Variants in CMTM4 observed in about 807,000 individuals in gnomAD.
The protein encoded by CMTM4 is CKLF-like MARVEL transmembrane domain-containing protein 4.
A neutral mutation model predicts 19.0 loss-of-function variants in CMTM4; 8 were observed. The observed-to-expected ratio is 0.42, with a 90% CI of 0.25 to 0.76. CMTM4 has a LOEUF of 0.76. CMTM4 is among the 30% of genes least tolerant of loss of function. The pLI, the probability that CMTM4 is intolerant of heterozygous loss-of-function variation, is 0.27. For missense variants in CMTM4, 228 were observed against 290.2 expected (o/e 0.79, Z 1.56); for synonymous variants, 106 against 121.1 (o/e 0.88, Z 0.82).
chr16:66,666,248 C>T (rs1289343775), intron 1 of CMTM4, among the ~76,000 whole-genome samples: 2 of 151,994 alleles, frequency 1.3e-5, no homozygotes, highest in East Asian at 1.9e-4. Flanking sequence ...GTCAGGAGAT[C>T]GAGACCATCC....
chr16:66,605,213 T>G, the CMTM4 span: 1 of 352,072 alleles, frequency 2.8e-6, no homozygotes, highest in Non-Finnish European at 5.1e-6. This position sits in a 1 kb window ranked among gnomAD's most constrained non-coding sequence, Gnocchi z 4.6. Flanking sequence ...GGGAAGTGGG[T>G]GGGGCCCGGG....
the CMTM4 span, among the ~76,000 whole-genome samples, chr16:66,602,524 GCTT>G: frequency 6.0e-5 from 9 of 151,198 alleles, no homozygotes; most frequent in East Asian, 5.9e-4. Flanking sequence ...GAGCCAATTT[GCTT>G]CTTCTTCTTC....
chr16:66,696,541 G>C lies in CMTM4; in HGVS notation c.-16C>G. 1.1e-5 allele frequency: 13 copies of C among 1,178,554 alleles called. No homozygotes were observed. The highest frequency in any genetic ancestry group is 1.4e-5 in the Non-Finnish European group (13 of 954,164). The allele number at this position is 1,178,554 out of a possible 1,614,324, so 73.0% of individuals were successfully genotyped here. On this transcript the variant is annotated 5_prime_UTR_variant, in exon 1 of 4. Transcript: ENST00000394106. The surrounding 1 kb of genome is among the most constrained non-coding windows in gnomAD (Gnocchi z 4.3). ...CGCTCCGCATGCTGCCGCCCGGCCC[G>C]GGCCGCCTCGCGCGGCTGGCTCCCG...
rs534268840 is a variant in CMTM4 at position 66,696,603 on chromosome 16, T to TCGC, written c.-81_-79dup. ...GGGCGGACTCAGCGGGGCCGCCGCA[T>TCGC]CGCCGCCGCCGCCGCCGCCGCCGCC... is the stretch of plus-strand genomic sequence containing the variant. On this transcript the variant is annotated 5_prime_UTR_variant, in exon 1 of 4. Transcript: ENST00000394106. This position sits in a 1 kb window ranked among gnomAD's most constrained non-coding sequence, Gnocchi z 4.3. The TCGC allele has an allele frequency of 0.012, 9,945 of 814,798 alleles. 114 individuals are homozygous for TCGC. Among genetic ancestry groups the TCGC allele is most frequent in the Admixed American group, 0.019 (306 of 15,982 alleles). The allele number at this position is 814,798 out of a possible 1,614,324, so 50.5% of individuals were successfully genotyped here. A position where few individuals can be genotyped will look rare whatever the true frequency, so the allele number is the denominator to read the frequency against.
intron 2 of CMTM4, among the ~76,000 whole-genome samples, chr16:66,630,875 A>C (rs2015845479): frequency 8.9e-6 from 1 of 112,920 alleles, no homozygotes; most frequent in African/African-American, 3.5e-5. Flanking sequence ...CCGGCCGCCC[A>C]TCGTCTGAGA....
At chr16:66,600,721 T>C in the CMTM4 span, among the ~76,000 whole-genome samples, 2 of 152,142 alleles carry the variant, frequency 1.3e-5, no homozygotes, top group Non-Finnish European at 2.9e-5. Flanking sequence ...TATTCAGGAT[T>C]CTCTGGATAT....
At chr16:66,683,146 T>TATAC in intron 1 of CMTM4, among the ~76,000 whole-genome samples, 1 of 123,736 alleles carries the variant, frequency 8.1e-6, no homozygotes, top group South Asian at 2.8e-4. Context: ...TATATATATA[T>TATAC]GTATATATAT....
At chr16:66,633,120 T>TATATATAA (rs1567408495) in intron 2 of CMTM4, among the ~76,000 whole-genome samples, 3 of 112,630 alleles carry the variant, frequency 2.7e-5, no homozygotes, top group Non-Finnish European at 5.7e-5. Flanking sequence ...TATATATAAA[T>TATATATAA]ATATATATAT....
intron 1 of CMTM4, among the ~76,000 whole-genome samples, chr16:66,661,754 AC>A (rs2016502522): frequency 6.6e-6 from 1 of 151,718 alleles, no homozygotes; most frequent in South Asian, 2.1e-4. Context: ...ACACGGTGAA[AC>A]CCCCATCTCT....
chr16:66,688,508 T>C (rs1319743505), intron 1 of CMTM4, among the ~76,000 whole-genome samples: 1 of 149,436 alleles, frequency 6.7e-6, no homozygotes, highest in Non-Finnish European at 1.5e-5. Context: ...TCCATCATAC[T>C]CTCAGAAACA....
chr16:66,604,934 C>A, the CMTM4 span: 1 of 1,501,652 alleles, frequency 6.7e-7, no homozygotes, highest in Non-Finnish European at 8.8e-7. Context: ...TCAAAGGCCG[C>A]CTCCTGCTGG....
chr16:66,676,677 T>C (rs777786938), intron 1 of CMTM4, among the ~76,000 whole-genome samples: 2 of 152,220 alleles, frequency 1.3e-5, no homozygotes, highest in African/African-American at 4.8e-5. Flanking sequence ...CATGAATTAG[T>C]TGTTTCTTTT....
chr16:66,694,528 C>T (rs1195630992), intron 1 of CMTM4, among the ~76,000 whole-genome samples: 1 of 151,780 alleles, frequency 6.6e-6, no homozygotes, highest in Non-Finnish European at 1.5e-5. Flanking sequence ...GCCAGGCCAA[C>T]ACAGCAAAAC....
At chr16:66,608,169 A>G in the CMTM4 span, 1 of 870,392 alleles carries the variant, frequency 1.1e-6, no homozygotes, top group Non-Finnish European at 1.8e-6. This position sits in a 1 kb window ranked among gnomAD's most constrained non-coding sequence, Gnocchi z 5.1. Context: ...TGGCTCTGCC[A>G]CTTCCCAGCT....
intron 1 of CMTM4, among the ~76,000 whole-genome samples, chr16:66,639,797 C>A (rs577100873): frequency 6.6e-6 from 1 of 151,822 alleles, no homozygotes; most frequent in Non-Finnish European, 1.5e-5. Context: ...GTGGGTGGAT[C>A]GCTTGAGGCC....
At chr16:66,676,169 CTCAG>C (rs1379441384) in intron 1 of CMTM4, among the ~76,000 whole-genome samples, 1 of 152,154 alleles carries the variant, frequency 6.6e-6, no homozygotes, top group East Asian at 1.9e-4. Flanking sequence ...CTTTGGGGCT[CTCAG>C]TCAATTAATT....
intron 1 of CMTM4, among the ~76,000 whole-genome samples, chr16:66,659,612 C>T (rs1175023661): frequency 6.6e-6 from 1 of 152,044 alleles, no homozygotes; most frequent in African/African-American, 2.4e-5. Flanking sequence ...GAAAAGTGAA[C>T]ATAGGATAGT....
intron 2 of CMTM4, among the ~76,000 whole-genome samples, chr16:66,623,846 C>T (rs372771197): frequency 6.6e-6 from 1 of 152,176 alleles, no homozygotes; most frequent in African/African-American, 2.4e-5. Context: ...CAAAGCTCCC[C>T]AAGGATCCAA....
At chr16:66,644,500 T>C (rs1262313121) in intron 1 of CMTM4, among the ~76,000 whole-genome samples, 1 of 152,216 alleles carries the variant, frequency 6.6e-6, no homozygotes, top group East Asian at 1.9e-4. Context: ...TTGTTTCCTG[T>C]TGGATGTCAA....
Sources: allele counts gnomAD v4.1 joint callset (sites outside exome capture counted in the v4.1 genomes callset), GRCh38; gene constraint gnomAD v4.1.1; non-coding constraint Gnocchi (gnomAD v3.1); transcripts MANE v1.5; gene names NCBI Gene and HGNC (gene_info 2026-07-23, HGNC 2026-07-21).